The following SIPA1L1 variants were observed in gnomAD, a reference collection of about 807,000 sequenced individuals.
SIPA1L1 encodes the protein signal-induced proliferation-associated 1-like protein 1.
In SIPA1L1, 26 loss-of-function variants were observed where a neutral mutation model predicts 162.7. The observed-to-expected ratio is 0.16, with a 90% CI of 0.12 to 0.22. SIPA1L1 has a LOEUF of 0.22. Ranked by LOEUF, SIPA1L1 falls within the 10% of genes least tolerant of loss-of-function variation. The pLI, the probability that SIPA1L1 is intolerant of heterozygous loss-of-function variation, is 1.00. For synonymous variants in SIPA1L1, 829 were observed against 837.4 expected, an observed-to-expected ratio of 0.99 and a Z score of 0.17; for missense variants, 1,874 against 2,241.0, an observed-to-expected ratio of 0.84 and a Z score of 3.31.
At chr14:71,458,918 C>T (rs1172105591) in intron 2 of SIPA1L1, among the ~76,000 whole-genome samples, 1 of 151,870 alleles carries the variant, frequency 6.6e-6, no homozygotes, top group African/African-American at 2.4e-5. Flanking sequence ...ACTAAAAATA[C>T]AAAAATTAGC....
At chr14:71,520,877 C>T (rs916064196) in intron 3 of SIPA1L1, among the ~76,000 whole-genome samples, 7 of 152,098 alleles carry the variant, frequency 4.6e-5, no homozygotes, top group East Asian at 1.9e-4. Flanking sequence ...CTCAGCCCCC[C>T]GAGTAGCTGA....
At chr14:71,599,817 G>A (rs527688651) in intron 5 of SIPA1L1, among the ~76,000 whole-genome samples, 20 of 152,030 alleles carry the variant, frequency 1.3e-4, no homozygotes, top group Non-Finnish European at 2.4e-4. Context: ...TTCTAACTGG[G>A]ATAAGATGAT....
At chr14:71,487,935 C>A (rs970703832) in intron 2 of SIPA1L1, among the ~76,000 whole-genome samples, 2 of 152,190 alleles carry the variant, frequency 1.3e-5, no homozygotes, top group African/African-American at 4.8e-5. Context: ...TTAGGATTTT[C>A]CAGGGAACTG....
At chr14:71,677,710 G>T (rs1049456168) in intron 12 of SIPA1L1, among the ~76,000 whole-genome samples, 1 of 152,124 alleles carries the variant, frequency 6.6e-6, no homozygotes, top group Non-Finnish European at 1.5e-5. Flanking sequence ...AGTTTTCCCA[G>T]CATCATTTAT....
At chr14:71,436,760 ATTTTTTTTTTT>A (rs1231560483) in intron 2 of SIPA1L1, among the ~76,000 whole-genome samples, 2 of 130,984 alleles carry the variant, frequency 1.5e-5, no homozygotes, top group African/African-American at 5.6e-5. Context: ...TACCTTCTGA[ATTTTTTTTTTT>A]TTTTTTTTTT....
intron 2 of SIPA1L1, among the ~76,000 whole-genome samples, chr14:71,491,376 G>A (rs1009338848): frequency 1.3e-5 from 2 of 151,992 alleles, no homozygotes; most frequent in Admixed American, 1.3e-4. Flanking sequence ...TAGGTTCTGG[G>A]GACAGTATAT....
chr14:71,375,692 A>G (rs1244718627), intron 2 of SIPA1L1, among the ~76,000 whole-genome samples: 1 of 152,038 alleles, frequency 6.6e-6, no homozygotes, highest in Non-Finnish European at 1.5e-5. Flanking sequence ...TTTAAGTATT[A>G]TATTGGTTTT....
chr14:71,675,623 C>G (rs898680535), intron 12 of SIPA1L1, among the ~76,000 whole-genome samples: 3 of 152,254 alleles, frequency 2.0e-5, no homozygotes, highest in Non-Finnish European at 4.4e-5. Context: ...CTCCGCACTT[C>G]ACACTCCCAC....
At chr14:71,523,821 A>T (rs182632967) in intron 3 of SIPA1L1, among the ~76,000 whole-genome samples, 1 of 152,232 alleles carries the variant, frequency 6.6e-6, no homozygotes, top group African/African-American at 2.4e-5. Flanking sequence ...AATCCTTTAA[A>T]TTGTTCCAGA....
chr14:71,407,589 C>A (rs965816734), intron 2 of SIPA1L1, among the ~76,000 whole-genome samples: 3 of 151,410 alleles, frequency 2.0e-5, no homozygotes, highest in Non-Finnish European at 4.4e-5. Context: ...TGACTGAAGC[C>A]TGGAACACCT....
At chr14:71,711,227 T>C (rs1342361327) in intron 17 of SIPA1L1, among the ~76,000 whole-genome samples, 7 of 152,174 alleles carry the variant, frequency 4.6e-5, no homozygotes, top group African/African-American at 1.7e-4. Context: ...ATTCAGAAAG[T>C]AGATTGTTTG....
At chr14:71,500,580 C>A (rs1220395298) in intron 2 of SIPA1L1, among the ~76,000 whole-genome samples, 1 of 152,166 alleles carries the variant, frequency 6.6e-6, no homozygotes, top group Non-Finnish European at 1.5e-5. Context: ...ACTTTTGACC[C>A]AGCAGTTCCA....
At chr14:71,735,043 G>T (rs536075486) in intron 21 of SIPA1L1, among the ~76,000 whole-genome samples, 1 of 152,106 alleles carries the variant, frequency 6.6e-6, no homozygotes, top group Non-Finnish European at 1.5e-5. Flanking sequence ...CAGGGAAGAG[G>T]GGGGACTAGA....
chr14:71,487,447 A>G (rs1055303362), intron 2 of SIPA1L1, among the ~76,000 whole-genome samples: 1 of 152,206 alleles, frequency 6.6e-6, no homozygotes, highest in Non-Finnish European at 1.5e-5. Context: ...TTCACATTGC[A>G]TTGCAGTAAC....
chr14:71,483,486 G>C (rs1015108255), intron 2 of SIPA1L1, among the ~76,000 whole-genome samples: 1 of 152,212 alleles, frequency 6.6e-6, no homozygotes, highest in African/African-American at 2.4e-5. Context: ...TGGAGCCACT[G>C]ATAATTGTTG....
intron 7 of SIPA1L1, among the ~76,000 whole-genome samples, chr14:71,642,837 C>G (rs1282068380): frequency 2.0e-5 from 3 of 151,906 alleles, no homozygotes; most frequent in Non-Finnish European, 4.4e-5. Context: ...AAAAGAAAAG[C>G]TTTGTATTTA....
At chr14:71,703,601 T>A (rs1274469336) in intron 15 of SIPA1L1, among the ~76,000 whole-genome samples, 2 of 152,242 alleles carry the variant, frequency 1.3e-5, no homozygotes, top group Non-Finnish European at 2.9e-5. Context: ...TCTGATCTGC[T>A]TTTCTACTCT....
chr14:71,709,416 C>T lies in SIPA1L1; in HGVS notation c.3960C>T (p.Ala1320=), dbSNP rs751955347. 1.2e-6 allele frequency: 2 copies of T among 1,614,182 alleles called. No individual in the cohort carries two copies. The highest frequency in any genetic ancestry group is 1.1e-5 in the South Asian group (1 of 91,092). ...ATGGCCCCAGCCACGGCAGCACAGC[C>T]TCGCTGGGGGCTGCCACATCGTCAC... is the stretch of plus-strand genomic sequence containing the variant. ...TSYGPSHGST[A]SLGAATSSPR... The change falls in exon 17 of 24, where the codon GCC becomes GCT. Residue 1320 remains alanine (A), a synonymous_variant. Coordinates refer to ENST00000381232, the MANE Select transcript of SIPA1L1 (RefSeq NM_001386936.1).
chr14:71,501,254 AG>A (rs2050191237), intron 2 of SIPA1L1, among the ~76,000 whole-genome samples: 3 of 152,156 alleles, frequency 2.0e-5, no homozygotes, highest in South Asian at 4.2e-4. Flanking sequence ...CCAGGAGTCG[AG>A]GCTACAGTGA....
Sources: gnomAD v4.1 joint callset for allele counts (sites outside exome capture counted in the v4.1 genomes callset) on GRCh38, gnomAD v4.1.1 for gene constraint, MANE v1.5 for transcripts, NCBI Gene and HGNC (gene_info 2026-07-23, HGNC 2026-07-21) for gene names.